Variants in ARL1 observed in about 807,000 individuals in gnomAD.
ARL1 encodes ADP-ribosylation factor-like protein 1.
Under a neutral mutation model 30.1 loss-of-function variants are expected in ARL1, and 17 were observed. That is an observed-to-expected ratio of 0.56 (90% CI 0.39 to 0.85). The LOEUF (loss-of-function observed/expected upper bound fraction) is 0.85, where lower values mean the gene tolerates loss of function less well. Ranked by LOEUF, ARL1 falls within the 40% of genes least tolerant of loss-of-function variation. The pLI, the probability that ARL1 is intolerant of heterozygous loss-of-function variation, is 0.00. For synonymous variants in ARL1, 58 were observed against 71.7 expected (o/e 0.81, Z 0.97); for missense variants, 102 against 212.6 (o/e 0.48, Z 3.24).
intron 4 of ARL1, chr12:101,400,311 G>A (rs1399279820): frequency 1.3e-5 from 2 of 151,540 alleles, no homozygotes; most frequent in Non-Finnish European, 2.9e-5. Context: ...AACACTAGGA[G>A]GCCGAGGCAG....
chr12:101,396,321 G>C, intron 5 of ARL1, 78 bp downstream of exon 5: 1 of 1,568,762 alleles, frequency 6.4e-7, no homozygotes, highest in South Asian at 1.1e-5. Flanking sequence ...CTCAACACGG[G>C]AGAAAAATTA....
Position 101,394,819 on chromosome 12 carries a change from G to A in ARL1, c.*821C>T, listed in dbSNP as rs1871102676. On this transcript the variant is annotated 3_prime_UTR_variant, in exon 6 of 6. Coordinates refer to ENST00000261636, the MANE Select transcript of ARL1 (RefSeq NM_001177.6). ...AGAGTTAGACTGTGTTGTCAATACTGACATTTTTGGGAATATATAGTATAG... is the reference window on the plus strand; with the variant it reads ...AGAGTTAGACTGTGTTGTCAATACTAACATTTTTGGGAATATATAGTATAG... The A allele has an allele frequency of 1.3e-5, 2 of 152,058 alleles. No homozygotes were observed. The highest frequency in any genetic ancestry group is 4.8e-5 in the African/African-American group (2 of 41,400). The allele number at this position is 152,058 out of a possible 1,614,324, so 9.4% of individuals were successfully genotyped here.
chr12:101,407,810 G>A, upstream of ARL1: 1 of 956,756 alleles, frequency 1.0e-6, no homozygotes, highest in Non-Finnish European at 1.6e-6. Flanking sequence ...GGGAACGGTG[G>A]CCTGAGCATC....
chr12:101,399,104 T>C (rs747465507), intron 4 of ARL1, among the ~76,000 whole-genome samples: 5 of 151,774 alleles, frequency 3.3e-5, no homozygotes, highest in African/African-American at 1.2e-4. Flanking sequence ...ATAATAAATA[T>C]AATGCTATGA....
intron 1 of ARL1, chr12:101,406,887 T>C (rs11110782): frequency 0.22 from 33,547 of 151,790 alleles, 6,500 homozygotes; most frequent in African/African-American, 0.5. Flanking sequence ...GCAAGAAGTA[T>C]GCTCCCCAGA....
At position 101,395,637 on chromosome 12, in the gene ARL1, G is replaced by A. The variant is rs201219157; in HGVS notation, c.*3C>T. Reference sequence around the variant, plus strand: ...TCATTTCAGGGGAGAAGAATGGACTGAATTACTGTCTGCTTTTTAATGTTT... The same window carrying A: ...TCATTTCAGGGGAGAAGAATGGACTAAATTACTGTCTGCTTTTTAATGTTT... On this transcript the variant is annotated 3_prime_UTR_variant, in exon 6 of 6. Transcript: ENST00000261636. The A allele has an allele frequency of 2.4e-3, 3,801 of 1,579,296 alleles. 8 individuals are homozygous for A. The highest frequency in any genetic ancestry group is 2.8e-3 in the Non-Finnish European group (3,243 of 1,159,158).
rs1462671480 is a variant in ARL1, at chr12:101,394,741, AATAAATTT to A, written c.*891_*898del. The A allele has an allele frequency of 6.6e-6, 1 of 152,186 alleles. No individual in the cohort carries two copies. Among genetic ancestry groups the A allele is most frequent in the Non-Finnish European group, 1.5e-5 (1 of 68,036 alleles). 9.4% of individuals were successfully genotyped at this position (152,186 alleles called of 1,614,324 possible). On this transcript the variant is annotated 3_prime_UTR_variant, in exon 6 of 6. Coordinates refer to ENST00000261636, the MANE Select transcript of ARL1 (RefSeq NM_001177.6). ...CTGATCACTTCTACTAGTATAGACAAATAAATTTATAAACATTATTTTGAATGTAACTA... is the reference window on the plus strand; with the variant it reads ...CTGATCACTTCTACTAGTATAGACAAATAAACATTATTTTGAATGTAACTA...
chr12:101,395,530 A>C lies in ARL1; in HGVS notation c.*110T>G. ...TACAAATATTGCAGTCAGTCAGTAT[A>C]TGCCAATAATCATATAGTTTTAACA... On this transcript the variant is annotated 3_prime_UTR_variant, in exon 6 of 6. Coordinates refer to ENST00000261636, the MANE Select transcript of ARL1 (RefSeq NM_001177.6). 1.2e-6 allele frequency: 1 copy of C among 865,014 alleles called. No individual in the cohort carries two copies. 53.6% of individuals were successfully genotyped at this position (865,014 alleles called of 1,614,324 possible).
intron 3 of ARL1, chr12:101,401,432 T>G: frequency 4.4e-6 from 1 of 228,836 alleles, no homozygotes; most frequent in Non-Finnish European, 8.4e-6. Context: ...AGGTCGGGAG[T>G]TCGAGACCAG....
chr12:101,395,427 A>G lies in ARL1; in HGVS notation c.*213T>C, dbSNP rs78828803. On this transcript the variant is annotated 3_prime_UTR_variant, in exon 6 of 6. Transcript: ENST00000261636. ...CTTAACACAAGAAAGCAAGAAAAGA[A>G]TATTTTACATTACATAGAACATTCA... is the stretch of plus-strand genomic sequence containing the variant. 9 of 492,664 alleles carry G rather than the reference A, an allele frequency of 1.8e-5. No homozygotes were observed. In the East Asian group the frequency reaches 1.9e-4, roughly 10 times the overall value. 30.5% of individuals were successfully genotyped at this position (492,664 alleles called of 1,614,324 possible). A position where few individuals can be genotyped will look rare whatever the true frequency, so the allele number is the denominator to read the frequency against.
At chr12:101,399,139 A>C (rs1029090762) in intron 4 of ARL1, among the ~76,000 whole-genome samples, 1 of 152,178 alleles carries the variant, frequency 6.6e-6, no homozygotes, top group African/African-American at 2.4e-5. Context: ...AATTAACCAA[A>C]TGTTTAAAAC....
chr12:101,403,005 T>C (rs1871345029), intron 2 of ARL1, 59 bp from the exon 3 acceptor site: 2 of 1,128,464 alleles, frequency 1.8e-6, no homozygotes, highest in Middle Eastern at 2.0e-4. Flanking sequence ...CTTCAAAATA[T>C]CCTATCTAAT....
chr12:101,407,791 C>T (rs137992287), upstream of ARL1: 14,864 of 1,200,274 alleles, frequency 0.012, 136 homozygotes, highest in Middle Eastern at 0.016. Flanking sequence ...TCAGCTGCGA[C>T]TGCGCGCCGG....
chr12:101,405,474 A>G (rs1396293000), intron 2 of ARL1, among the ~76,000 whole-genome samples: 2 of 152,230 alleles, frequency 1.3e-5, no homozygotes, highest in East Asian at 1.9e-4. Flanking sequence ...ACTTAAACCT[A>G]TAAACAGCCC....
At chr12:101,404,468 C>A (rs897153600) in intron 2 of ARL1, among the ~76,000 whole-genome samples, 2 of 152,214 alleles carry the variant, frequency 1.3e-5, no homozygotes, top group African/African-American at 4.8e-5. Flanking sequence ...GCAGGAGATG[C>A]CCAGACAGAG....
At chr12:101,406,523 T>C (rs1871445638) in intron 1 of ARL1, among the ~76,000 whole-genome samples, 1 of 152,192 alleles carries the variant, frequency 6.6e-6, no homozygotes, top group East Asian at 1.9e-4. Flanking sequence ...CTCTATCCAA[T>C]GCATCACAAA....
chr12:101,401,549 T>A (rs1185143939), intron 3 of ARL1: 1 of 138,360 alleles, frequency 7.2e-6, no homozygotes, highest in Non-Finnish European at 1.5e-5. Context: ...GGCAGGAAAA[T>A]CACTTCAACC....
In ARL1 at chr12:101,399,509, TAAAAAA is replaced by T. The variant is rs200979843; in HGVS notation, c.336+1547_336+1552del. Among the ~76,000 whole-genome samples, 137 of 110,544 alleles carry T rather than the reference TAAAAAA, an allele frequency of 1.2e-3. 1 individual carries two copies. The highest frequency in any genetic ancestry group is 5.7e-3 in the African/African-American group (127 of 22,316). The allele number at this position is 110,544 out of a possible 152,430, so 72.5% of individuals were successfully genotyped here. On this transcript the variant is annotated intron_variant, in intron 4 of 5. Coordinates refer to ENST00000261636, the MANE Select transcript of ARL1 (RefSeq NM_001177.6). ...CTGGGCGACAGAGCAAGACTCTGTC[TAAAAAA>T]AAAAAAAAAAAAAAAAAAAAAAAAG... is the stretch of plus-strand genomic sequence containing the variant.
At chr12:101,405,635 G>A in intron 2 of ARL1, 1 of 344,614 alleles carries the variant, frequency 2.9e-6, no homozygotes, top group Non-Finnish European at 5.2e-6. Flanking sequence ...TCAGAAATAG[G>A]CCTGGCATAG....
Sources: allele counts gnomAD v4.1 joint callset (sites outside exome capture counted in the v4.1 genomes callset), GRCh38; gene constraint gnomAD v4.1.1; transcripts MANE v1.5; gene names NCBI Gene and HGNC (gene_info 2026-07-23, HGNC 2026-07-21).